The following TTC17 variants were observed in gnomAD, a reference collection of about 807,000 sequenced individuals.
TTC17 encodes the protein tetratricopeptide repeat protein 17.
TTC17 carries 58 observed loss-of-function variants against 143.8 expected under a neutral mutation model. That is an observed-to-expected ratio of 0.40 (90% CI 0.33 to 0.50). TTC17 has a LOEUF of 0.50. Ranked by LOEUF, TTC17 falls within the 20% of genes least tolerant of loss-of-function variation. The pLI, the probability that TTC17 is intolerant of heterozygous loss-of-function variation, is 0.49. For missense variants in TTC17, 1,273 were observed against 1,392.5 expected, an observed-to-expected ratio of 0.91 and a Z score of 1.37; for synonymous variants, 501 against 497.8, an observed-to-expected ratio of 1.01 and a Z score of -0.09.
chr11:43,466,250 G>A (rs1947970178), intron 21 of TTC17: 1 of 152,066 alleles, frequency 6.6e-6, no homozygotes, highest in Admixed American at 6.6e-5. Flanking sequence ...CAATTAGGAT[G>A]GCCACTATTA....
At chr11:43,368,081 C>T (rs908755300) in intron 1 of TTC17, among the ~76,000 whole-genome samples, 13 of 152,230 alleles carry the variant, frequency 8.5e-5, no homozygotes, top group African/African-American at 3.1e-4. Flanking sequence ...ACAGAAGAGC[C>T]AACACGTATT....
intron 1 of TTC17, among the ~76,000 whole-genome samples, chr11:43,362,457 T>C (rs550205953): frequency 3.9e-5 from 6 of 152,234 alleles, no homozygotes; most frequent in African/African-American, 1.4e-4. Context: ...AACATGCGTA[T>C]GTATTGGAAA....
In TTC17 at chr11:43,494,745, AG is replaced by A. The variant is rs894207121; in HGVS notation, c.*842del. 6.6e-6 allele frequency: 1 copy of A among 152,158 alleles called. No individual in the cohort carries two copies. Among genetic ancestry groups the A allele is most frequent in the Non-Finnish European group, 1.5e-5 (1 of 68,040 alleles). 9.4% of individuals were successfully genotyped at this position (152,158 alleles called of 1,614,324 possible). A position where few individuals can be genotyped will look rare whatever the true frequency, so the allele number is the denominator to read the frequency against. On this transcript the variant is annotated 3_prime_UTR_variant, in exon 24 of 24. Transcript: ENST00000039989. ...TCACTGTGTTACCCATCTTGGAATAAGTTGTGAATGTCAGCTCCCTCTCTCT... is the reference window on the plus strand; with the variant it reads ...TCACTGTGTTACCCATCTTGGAATAATTGTGAATGTCAGCTCCCTCTCTCT...
chr11:43,479,702 A>G (rs1948250647), intron 21 of TTC17, among the ~76,000 whole-genome samples: 1 of 152,246 alleles, frequency 6.6e-6, no homozygotes, highest in African/African-American at 2.4e-5. Flanking sequence ...TTTGATTTAG[A>G]GAATTGATGA....
chr11:43,370,249 C>T (rs1017248299), intron 1 of TTC17: 2 of 331,624 alleles, frequency 6.0e-6, no homozygotes, highest in African/African-American at 4.3e-5. Flanking sequence ...CTGCCTGCGT[C>T]ATTCCATCCC....
chr11:43,444,185 A>C lies in TTC17; in HGVS notation c.2641A>C (p.Lys881Gln), dbSNP rs778813400. Residue 881 changes from lysine to glutamine, a missense_variant, in exon 18 of 24, where the codon AAG becomes CAG. Lys to Gln is a moderately conservative substitution (Grantham distance 53). Transcript: ENST00000039989. Reference protein sequence around the residue: ...YQANLEITGPKVASPGPQGKK... With the variant: ...YQANLEITGPQVASPGPQGKK... ...AGCAAACCTAGAGATCACTGGCCCCAAGGTGGCATCTCCTGGGCCACAAGG... is the reference window on the plus strand; with the variant it reads ...AGCAAACCTAGAGATCACTGGCCCCCAGGTGGCATCTCCTGGGCCACAAGG... The C allele has an allele frequency of 1.2e-6, 2 of 1,611,224 alleles. No homozygotes were observed. Among genetic ancestry groups the C allele is most frequent in the Non-Finnish European group, 8.5e-7 (1 of 1,178,964 alleles).
rs746175918 is a variant in TTC17 at position 43,379,295 on chromosome 11, A to T, written c.222A>T (p.Ala74=). ...TAGTCATATTAATGAGACAAGAAGC[A>T]ACAGTTAACTACCTCAAAGAATTAG... is the stretch of plus-strand genomic sequence containing the variant. ...HDLVILMRQE[A]TVNYLKELEK... Residue 74 remains alanine, a synonymous_variant, in exon 2 of 24, where the codon GCA becomes GCT. Coordinates refer to ENST00000039989, the MANE Select transcript of TTC17 (RefSeq NM_018259.6). 13 of 1,612,082 alleles carry T rather than the reference A, an allele frequency of 8.1e-6. No homozygotes were observed. The highest frequency in any genetic ancestry group is 8.5e-6 in the Non-Finnish European group (10 of 1,179,440).
chr11:43,476,901 G>A (rs1948194533), intron 21 of TTC17, among the ~76,000 whole-genome samples: 1 of 152,154 alleles, frequency 6.6e-6, no homozygotes, highest in African/African-American at 2.4e-5. Context: ...CAGAAAATGG[G>A]TTTTTCTTTT....
At chr11:43,430,709 G>GCGCACACA (rs1554994150) in intron 16 of TTC17, among the ~76,000 whole-genome samples, 239 of 138,536 alleles carry the variant, frequency 1.7e-3, no homozygotes, top group African/African-American at 2.5e-3. Flanking sequence ...CTACATACAC[G>GCGCACACA]CACACACACA....
At chr11:43,478,326 A>G (rs1431173621) in intron 21 of TTC17, among the ~76,000 whole-genome samples, 1 of 152,220 alleles carries the variant, frequency 6.6e-6, no homozygotes, top group Non-Finnish European at 1.5e-5. Context: ...AAACTTCTGT[A>G]AGACACTTGG....
At chr11:43,368,017 G>A (rs753508010) in intron 1 of TTC17, among the ~76,000 whole-genome samples, 8 of 152,194 alleles carry the variant, frequency 5.3e-5, no homozygotes, top group Non-Finnish European at 1.2e-4. Context: ...GAGAGAGAAT[G>A]TGTGCAACTA....
chr11:43,408,130 C>G (rs1188908650), intron 15 of TTC17, among the ~76,000 whole-genome samples: 1 of 152,046 alleles, frequency 6.6e-6, no homozygotes, highest in Non-Finnish European at 1.5e-5. Flanking sequence ...TTTAACATCT[C>G]TGATATCAGG....
At chr11:43,387,630 G>C (rs1857218056) in intron 2 of TTC17, among the ~76,000 whole-genome samples, 1 of 152,206 alleles carries the variant, frequency 6.6e-6, no homozygotes, top group Admixed American at 6.5e-5. Flanking sequence ...TAGGCCGACA[G>C]AGCAGCCTCT....
At chr11:43,415,575 G>T (rs978444373) in intron 16 of TTC17, among the ~76,000 whole-genome samples, 10 of 152,040 alleles carry the variant, frequency 6.6e-5, no homozygotes, top group Non-Finnish European at 1.0e-4. Context: ...TAATCAGATG[G>T]ATATTAGTTC....
At chr11:43,430,117 G>T (rs192703947) in intron 16 of TTC17, among the ~76,000 whole-genome samples, 1 of 152,242 alleles carries the variant, frequency 6.6e-6, no homozygotes, top group Admixed American at 6.5e-5. Context: ...GGGAAGCTTC[G>T]ACTGAAGCAA....
At chr11:43,473,991 C>G (rs1948139418) in intron 21 of TTC17, among the ~76,000 whole-genome samples, 1 of 152,074 alleles carries the variant, frequency 6.6e-6, no homozygotes, top group Non-Finnish European at 1.5e-5. Context: ...AGCAATTCTA[C>G]TTTTAGTAAC....
intron 23 of TTC17, 110 bp from the exon 24 acceptor site, chr11:43,493,663 G>T (rs1948510420): frequency 1.3e-6 from 2 of 1,516,758 alleles, no homozygotes; most frequent in Non-Finnish European, 1.8e-6. Context: ...TTGAGCAAAT[G>T]CTGCGGGATT....
chr11:43,432,819 A>G (rs932957293), intron 16 of TTC17, among the ~76,000 whole-genome samples: 3 of 152,198 alleles, frequency 2.0e-5, no homozygotes, highest in African/African-American at 7.2e-5. Context: ...GAGCAGACCT[A>G]TACGGTAGTC....
At chr11:43,430,709 G>GCGCACACACACACACA (rs1554994150) in intron 16 of TTC17, among the ~76,000 whole-genome samples, 3 of 138,542 alleles carry the variant, frequency 2.2e-5, no homozygotes, top group African/African-American at 5.5e-5. Flanking sequence ...CTACATACAC[G>GCGCACACACACACACA]CACACACACA....
Sources: gnomAD v4.1 joint callset for allele counts (sites outside exome capture counted in the v4.1 genomes callset) on GRCh38, gnomAD v4.1.1 for gene constraint, MANE v1.5 for transcripts, NCBI Gene and HGNC (gene_info 2026-07-23, HGNC 2026-07-21) for gene names.